VPS13B: variants seen among roughly 807,000 people sequenced by gnomAD.
VPS13B encodes the protein vacuolar protein sorting 13 homolog B, also known as intermembrane lipid transfer protein VPS13B.
VPS13B carries 285 observed loss-of-function variants against 426.4 expected under a neutral mutation model. The ratio of observed to expected loss-of-function variants is 0.67; its 90% CI spans 0.61 to 0.74. The LOEUF is 0.74. Among genes scored for constraint, VPS13B ranks in the 30% least tolerant of loss-of-function variants. The probability of loss-of-function intolerance (pLI) is 0.00; values close to 1 mark genes in which losing one functional copy is unlikely to be tolerated. For synonymous variants in VPS13B, 1,676 were observed against 1,676.4 expected (o/e 1.00, Z 0.01); for missense variants, 4,537 against 4,782.6 (o/e 0.95, Z 1.51).
At chr8:99,291,618 A>G (rs1819738720) in intron 19 of VPS13B, among the ~76,000 whole-genome samples, 1 of 152,120 alleles carries the variant, frequency 6.6e-6, no homozygotes, top group South Asian at 2.1e-4. Context: ...ACTTTCACAA[A>G]TGATATAATT....
At chr8:99,414,241 T>A (rs2133365641) in intron 21 of VPS13B, among the ~76,000 whole-genome samples, 1 of 147,060 alleles carries the variant, frequency 6.8e-6, no homozygotes, top group African/African-American at 2.5e-5. Flanking sequence ...AACCCCTGCT[T>A]TTTTTTTTTT....
intron 35 of VPS13B, among the ~76,000 whole-genome samples, chr8:99,677,202 C>T (rs1028025820): frequency 6.6e-6 from 1 of 152,160 alleles, no homozygotes; most frequent in Admixed American, 6.5e-5. Flanking sequence ...ATATTTAATC[C>T]TCTGCCCCTT....
chr8:99,514,770 C>A (rs531724269), intron 29 of VPS13B, among the ~76,000 whole-genome samples: 1 of 152,186 alleles, frequency 6.6e-6, no homozygotes, highest in African/African-American at 2.4e-5. Context: ...CTGTTAGAGG[C>A]CCTGTTTTCA....
intron 39 of VPS13B, among the ~76,000 whole-genome samples, chr8:99,746,044 T>A (rs1588677919): frequency 6.6e-6 from 1 of 152,090 alleles, no homozygotes; most frequent in Non-Finnish European, 1.5e-5. Flanking sequence ...AGTCCCCTTT[T>A]ATCCCCCTTA....
At chr8:99,242,733 A>G (rs1220078260) in intron 17 of VPS13B, among the ~76,000 whole-genome samples, 2 of 152,212 alleles carry the variant, frequency 1.3e-5, no homozygotes, top group Non-Finnish European at 2.9e-5. Flanking sequence ...TTGCCTTATC[A>G]TAGTTCCTTA....
rs976875811 is a variant in VPS13B at position 99,733,803 on chromosome 8, G to A, written c.7050+12756G>A. The stretch of plus-strand genomic sequence containing the variant: ...TTCTAGCAACATTTTTAAATGCTAC[G>A]TCAAAGTTAAAGGTCTTGGTTCTCT... On this transcript the variant is annotated intron_variant, in intron 39 of 61. Transcript: ENST00000357162. Among the ~76,000 whole-genome samples the A allele has an allele frequency of 1.1e-4, 16 of 152,206 alleles. No homozygotes were observed. The South Asian group carries it at 2.1e-3, about 20-fold the overall frequency.
At chr8:99,036,079 A>G (rs1320602715) in intron 2 of VPS13B, among the ~76,000 whole-genome samples, 3 of 152,070 alleles carry the variant, frequency 2.0e-5, no homozygotes, top group African/African-American at 7.2e-5. Flanking sequence ...TGGTTTGCAA[A>G]TATTTTTGTC....
chr8:99,241,773 C>T (rs1406803739), intron 17 of VPS13B, among the ~76,000 whole-genome samples: 1 of 152,042 alleles, frequency 6.6e-6, no homozygotes, highest in Non-Finnish European at 1.5e-5. Context: ...TTGACTATAT[C>T]CATCCCAAAC....
chr8:99,573,001 G>A (rs542533009), intron 31 of VPS13B, among the ~76,000 whole-genome samples: 4 of 152,268 alleles, frequency 2.6e-5, no homozygotes, highest in Admixed American at 6.5e-5. Context: ...CATTCTAACT[G>A]GTGTGAGATG....
At chr8:99,633,932 A>T (rs1588571104) in intron 33 of VPS13B, among the ~76,000 whole-genome samples, 2 of 152,020 alleles carry the variant, frequency 1.3e-5, no homozygotes, top group African/African-American at 2.4e-5. Context: ...TCCTTGAACA[A>T]AAATGACCAA....
chr8:99,364,732 G>A (rs1014225651), intron 19 of VPS13B, among the ~76,000 whole-genome samples: 5 of 152,098 alleles, frequency 3.3e-5, no homozygotes, highest in Admixed American at 6.5e-5. Context: ...TGCGCCCGTT[G>A]TAGTTTTCTT....
At chr8:99,095,029 A>G (rs909947323) in intron 3 of VPS13B, among the ~76,000 whole-genome samples, 3 of 152,004 alleles carry the variant, frequency 2.0e-5, no homozygotes, top group South Asian at 2.1e-4. Context: ...TACTCTACCT[A>G]TTTTCTCTTC....
At chr8:99,497,260 T>TA (rs1820969967) in intron 25 of VPS13B, among the ~76,000 whole-genome samples, 1 of 141,682 alleles carries the variant, frequency 7.1e-6, no homozygotes, top group South Asian at 2.2e-4. Flanking sequence ...TATTTATGTA[T>TA]CATATATGTA....
At chr8:99,041,592 G>A (rs903181892) in intron 3 of VPS13B, among the ~76,000 whole-genome samples, 2 of 152,144 alleles carry the variant, frequency 1.3e-5, no homozygotes, top group Non-Finnish European at 2.9e-5. Flanking sequence ...GGTGGCTCAC[G>A]CCTGTAATCC....
chr8:99,325,495 A>G (rs576627637), intron 19 of VPS13B, among the ~76,000 whole-genome samples: 2 of 152,330 alleles, frequency 1.3e-5, no homozygotes, highest in East Asian at 3.9e-4. Context: ...GTTCTTCAGA[A>G]TACTACCTCC....
chr8:99,108,318 G>A (rs1484263059), intron 5 of VPS13B, among the ~76,000 whole-genome samples: 6 of 152,124 alleles, frequency 3.9e-5, no homozygotes, highest in Non-Finnish European at 8.8e-5. Flanking sequence ...ACACATGTGC[G>A]TGTCTTTATG....
intron 31 of VPS13B, among the ~76,000 whole-genome samples, chr8:99,565,208 G>A (rs1053982613): frequency 3.9e-5 from 6 of 152,008 alleles, no homozygotes; most frequent in African/African-American, 1.2e-4. Flanking sequence ...AAATAATTTT[G>A]TTTTGATCAT....
chr8:99,293,197 T>C (rs569667238), intron 19 of VPS13B, among the ~76,000 whole-genome samples: 36 of 138,326 alleles, frequency 2.6e-4, no homozygotes, highest in Non-Finnish European at 5.3e-4. Flanking sequence ...AACAGAGATA[T>C]AGATCAATGG....
At chr8:99,336,976 C>G (rs1321654341) in intron 19 of VPS13B, among the ~76,000 whole-genome samples, 2 of 151,950 alleles carry the variant, frequency 1.3e-5, no homozygotes, top group Non-Finnish European at 1.5e-5. Context: ...GGATCTAGAA[C>G]TAGAAATACC....
Sources: allele counts gnomAD v4.1 joint callset (sites outside exome capture counted in the v4.1 genomes callset), GRCh38; gene constraint gnomAD v4.1.1; transcripts MANE v1.5; gene names NCBI Gene and HGNC (gene_info 2026-07-23, HGNC 2026-07-21).